The following BCAS4 variants were observed in gnomAD, a reference collection of about 807,000 sequenced individuals.
The protein encoded by BCAS4 is breast carcinoma-amplified sequence 4.
BCAS4 carries 9 observed loss-of-function variants against 15.7 expected under a neutral mutation model. The observed-to-expected ratio is 0.57, with a 90% CI of 0.34 to 1.00. The LOEUF (loss-of-function observed/expected upper bound fraction) is 1.00. BCAS4 is among the 50% of genes least tolerant of loss of function. The pLI is 0.02. For synonymous variants in BCAS4, 101 were observed against 99.5 expected (o/e 1.02, Z -0.09); for missense variants, 225 against 239.1 (o/e 0.94, Z 0.39).
intron 4 of BCAS4, among the ~76,000 whole-genome samples, chr20:50,847,818 G>A (rs2088564700): frequency 6.6e-6 from 1 of 152,112 alleles, no homozygotes; most frequent in South Asian, 2.1e-4. Context: ...CTAGGTGGGT[G>A]GGTCACTTGA....
chr20:50,858,725 A>ATTTTTTTTTTTTTT (rs58684022), intron 4 of BCAS4, among the ~76,000 whole-genome samples: 1 of 117,624 alleles, frequency 8.5e-6, no homozygotes, highest in Non-Finnish European at 1.7e-5. Flanking sequence ...TTTTTCTTGA[A>ATTTTTTTTTTTTTT]TTTTTTTTTT....
intron 4 of BCAS4, among the ~76,000 whole-genome samples, chr20:50,856,674 G>A (rs925623024): frequency 6.6e-6 from 1 of 152,190 alleles, no homozygotes; most frequent in Non-Finnish European, 1.5e-5. Context: ...GCATTGGTAC[G>A]GGGCAGGAGG....
intron 1 of BCAS4, among the ~76,000 whole-genome samples, chr20:50,803,380 G>A (rs1242240230): frequency 6.6e-6 from 1 of 152,164 alleles, no homozygotes; most frequent in Non-Finnish European, 1.5e-5. Flanking sequence ...GCCGTTTTCT[G>A]TAAATAAAAA....
chr20:50,828,559 C>T (rs765237903), intron 2 of BCAS4, among the ~76,000 whole-genome samples: 2 of 152,182 alleles, frequency 1.3e-5, no homozygotes, highest in Non-Finnish European at 1.5e-5. Flanking sequence ...GCAGGTGGAT[C>T]ACTTGAGGTC....
chr20:50,879,450 G>A (rs1484656989), downstream of BCAS4: 1 of 152,458 alleles, frequency 6.6e-6, no homozygotes, highest in Admixed American at 6.5e-5. Context: ...CTGGGAGGTG[G>A]AGGTTGCAGC....
chr20:50,868,166 G>A (rs1013044213), intron 4 of BCAS4, among the ~76,000 whole-genome samples: 7 of 152,176 alleles, frequency 4.6e-5, no homozygotes, highest in African/African-American at 1.7e-4. Flanking sequence ...TACTCAACAT[G>A]GCTCAGCACT....
At chr20:50,802,665 A>G (rs1319580950) in intron 1 of BCAS4, among the ~76,000 whole-genome samples, 1 of 152,204 alleles carries the variant, frequency 6.6e-6, no homozygotes, top group Admixed American at 6.5e-5. Context: ...TGAGGTTAGG[A>G]GTTCCAGACC....
In BCAS4 at chr20:50,845,678, G is replaced by A. The variant is rs185373318; in HGVS notation, c.399+3778G>A. On this transcript the variant is annotated intron_variant, in intron 4 of 4. Transcript: ENST00000371608. Reference sequence around the variant, plus strand: ...TGGCCCGAACAGTGACCATCCAGACGCAGCAGCCAGTCAGGGTGACCTGGC... The same window carrying A: ...TGGCCCGAACAGTGACCATCCAGACACAGCAGCCAGTCAGGGTGACCTGGC... Among the ~76,000 whole-genome samples, 800 of 152,358 alleles carry A rather than the reference G, an allele frequency of 5.3e-3. 2 individuals carry two copies. The highest frequency in any genetic ancestry group is 9.0e-3 in the Non-Finnish European group (612 of 68,032).
intron 2 of BCAS4, among the ~76,000 whole-genome samples, chr20:50,818,985 C>G (rs543964627): frequency 6.6e-6 from 1 of 152,202 alleles, no homozygotes; most frequent in Admixed American, 6.5e-5. Flanking sequence ...GAGTTCAAGA[C>G]CAGCCTGACC....
chr20:50,857,997 C>T (rs146847860), intron 4 of BCAS4, among the ~76,000 whole-genome samples: 5 of 152,244 alleles, frequency 3.3e-5, no homozygotes, highest in African/African-American at 1.2e-4. Flanking sequence ...CCCATCCCGT[C>T]CCCACACAGT....
At chr20:50,874,603 C>A (rs1203481506) in intron 4 of BCAS4, among the ~76,000 whole-genome samples, 1 of 152,212 alleles carries the variant, frequency 6.6e-6, no homozygotes, top group Non-Finnish European at 1.5e-5. Context: ...CCTCAGTGCA[C>A]AGGACAGGGC....
chr20:50,872,374 T>C (rs550711690), intron 4 of BCAS4, among the ~76,000 whole-genome samples: 2 of 148,834 alleles, frequency 1.3e-5, no homozygotes, highest in African/African-American at 2.5e-5. Flanking sequence ...ATTGAGACCA[T>C]CCTGGCTAAC....
intron 2 of BCAS4, among the ~76,000 whole-genome samples, chr20:50,828,838 TGAGGGTGAGGATACCAG>T (rs537668735): frequency 6.6e-6 from 1 of 152,110 alleles, no homozygotes; most frequent in African/African-American, 2.4e-5. Flanking sequence ...GGGGATTACA[TGAGGGTGAGGATACCAG>T]GAGGGTGAGA....
Position 50,876,673 on chromosome 20 carries a change from T to G in BCAS4, c.*65T>G, listed in dbSNP as rs1372694188. Reference sequence around the variant, plus strand: ...TTGTGTACACACTGCAGCTTGGGGGTTTTTTCTTTGTATTGCTGTTTATTT... The same window carrying G: ...TTGTGTACACACTGCAGCTTGGGGGGTTTTTCTTTGTATTGCTGTTTATTT... On this transcript the variant is annotated 3_prime_UTR_variant, in exon 5 of 5. Coordinates refer to ENST00000371608, the MANE Select transcript of BCAS4 (RefSeq NM_198799.4). 2 of 1,536,576 alleles carry G rather than the reference T, an allele frequency of 1.3e-6. No homozygotes were observed. Among genetic ancestry groups the G allele is most frequent in the Non-Finnish European group, 1.7e-6 (2 of 1,146,122 alleles).
At chr20:50,843,803 A>G (rs1437768952) in intron 4 of BCAS4, among the ~76,000 whole-genome samples, 1 of 152,100 alleles carries the variant, frequency 6.6e-6, no homozygotes, top group Non-Finnish European at 1.5e-5. Flanking sequence ...CTCTCCCTCA[A>G]CTTATGGTGA....
intron 1 of BCAS4, among the ~76,000 whole-genome samples, chr20:50,808,436 A>G (rs556136163): frequency 1.2e-4 from 19 of 152,324 alleles, no homozygotes; most frequent in African/African-American, 4.3e-4. Context: ...ACTAGTTTAC[A>G]TCCCCACTAA....
intron 1 of BCAS4, among the ~76,000 whole-genome samples, chr20:50,813,619 G>A (rs1043900138): frequency 4.2e-4 from 64 of 151,232 alleles, no homozygotes; most frequent in African/African-American, 1.5e-3. Flanking sequence ...TGGCCTGAAC[G>A]AGAGGATGAT....
chr20:50,807,295 C>T (rs1192890986), intron 1 of BCAS4, among the ~76,000 whole-genome samples: 4 of 152,046 alleles, frequency 2.6e-5, no homozygotes, highest in Admixed American at 2.6e-4. Flanking sequence ...CTGGCTCAAG[C>T]GATCCTCCCA....
At chr20:50,869,977 G>T (rs1979553619) in intron 4 of BCAS4, among the ~76,000 whole-genome samples, 1 of 152,068 alleles carries the variant, frequency 6.6e-6, no homozygotes, top group East Asian at 1.9e-4. Context: ...TCGAACTCCT[G>T]ACCTCAGGTG....
Sources: gnomAD v4.1 joint callset for allele counts (sites outside exome capture counted in the v4.1 genomes callset) on GRCh38, gnomAD v4.1.1 for gene constraint, MANE v1.5 for transcripts, NCBI Gene and HGNC (gene_info 2026-07-23, HGNC 2026-07-21) for gene names.